CNTN5: variants seen among roughly 807,000 people sequenced by gnomAD.
CNTN5 encodes the protein contactin-5.
In CNTN5, 77 loss-of-function variants were observed where a neutral mutation model predicts 129.1. The observed-to-expected ratio is 0.60, with a 90% CI of 0.50 to 0.72. The LOEUF is 0.72. Among genes scored for constraint, CNTN5 ranks in the 30% least tolerant of loss-of-function variants. The probability of loss-of-function intolerance (pLI) is 0.00; values close to 1 mark genes in which losing one functional copy is unlikely to be tolerated. For missense variants in CNTN5, 1,478 were observed against 1,328.8 expected, an observed-to-expected ratio of 1.11 and a Z score of -1.75; for synonymous variants, 509 against 465.6, an observed-to-expected ratio of 1.09 and a Z score of -1.20.
chr11:100,337,834 A>G (rs560447802), intron 21 of CNTN5, among the ~76,000 whole-genome samples: 1 of 152,246 alleles, frequency 6.6e-6, no homozygotes, highest in Non-Finnish European at 1.5e-5. Context: ...ATACAATCCC[A>G]GGTGGAATTG....
intron 9 of CNTN5, among the ~76,000 whole-genome samples, chr11:100,048,087 C>T (rs918689890): frequency 6.6e-6 from 1 of 151,978 alleles, no homozygotes; most frequent in African/African-American, 2.4e-5. Context: ...GTCGAGATCG[C>T]GCCACTGTAC....
chr11:99,896,221 C>T (rs1449096207), intron 6 of CNTN5, among the ~76,000 whole-genome samples: 2 of 152,136 alleles, frequency 1.3e-5, no homozygotes, highest in African/African-American at 4.8e-5. Context: ...CCCACAAGTC[C>T]CTGCCTTCAC....
At chr11:100,216,986 C>T (rs954487812) in intron 15 of CNTN5, among the ~76,000 whole-genome samples, 2 of 152,158 alleles carry the variant, frequency 1.3e-5, no homozygotes, top group Non-Finnish European at 2.9e-5. Flanking sequence ...TGCCCATGGA[C>T]AAGTTACCTA....
chr11:100,024,720 C>T (rs568708592), intron 9 of CNTN5, among the ~76,000 whole-genome samples: 1 of 152,162 alleles, frequency 6.6e-6, no homozygotes, highest in East Asian at 1.9e-4. Context: ...GCATTTTGTC[C>T]CTGCCCTAGA....
At chr11:100,031,424 A>G (rs539383876) in intron 9 of CNTN5, among the ~76,000 whole-genome samples, 2 of 152,256 alleles carry the variant, frequency 1.3e-5, no homozygotes, top group African/African-American at 4.8e-5. Context: ...ATGTTCATAC[A>G]TCTGGGAATG....
chr11:99,066,247 G>C (rs1394185107), intron 1 of CNTN5, among the ~76,000 whole-genome samples: 1 of 152,052 alleles, frequency 6.6e-6, no homozygotes, highest in African/African-American at 2.4e-5. Context: ...GGGACTACAG[G>C]TGTGTGGTAC....
chr11:100,097,969 G>GTT (rs148930179), intron 13 of CNTN5, among the ~76,000 whole-genome samples: 1 of 151,056 alleles, frequency 6.6e-6, no homozygotes, highest in African/African-American at 2.4e-5. Context: ...AAATCGGGGA[G>GTT]TTTTTTTTTA....
chr11:99,547,061 C>T (rs1010943678), intron 2 of CNTN5, among the ~76,000 whole-genome samples: 20 of 142,160 alleles, frequency 1.4e-4, no homozygotes, highest in Middle Eastern at 3.6e-3. Context: ...TGGAGTGCAA[C>T]GGCACGATCT....
chr11:99,180,887 A>G (rs1467587231), intron 1 of CNTN5, among the ~76,000 whole-genome samples: 1 of 152,244 alleles, frequency 6.6e-6, no homozygotes, highest in Non-Finnish European at 1.5e-5. Context: ...TTCAATATGC[A>G]GTAAATCACA....
chr11:99,435,029 G>A (rs1943546746), intron 2 of CNTN5, among the ~76,000 whole-genome samples: 1 of 152,126 alleles, frequency 6.6e-6, no homozygotes, highest in Non-Finnish European at 1.5e-5. Flanking sequence ...ACTTGAGGAT[G>A]ATGTGACTTA....
At chr11:99,322,061 G>T (rs186905868) in intron 1 of CNTN5, among the ~76,000 whole-genome samples, 17 of 152,150 alleles carry the variant, frequency 1.1e-4, no homozygotes, top group South Asian at 2.1e-4. Flanking sequence ...AGATCTCCTT[G>T]TCCCCAGTTG....
At chr11:99,047,381 CAA>C (rs539810763) in intron 1 of CNTN5, among the ~76,000 whole-genome samples, 4 of 79,206 alleles carry the variant, frequency 5.1e-5, no homozygotes, top group Non-Finnish European at 8.7e-5. Context: ...TGAATTTTGG[CAA>C]AAAAAAAAAA....
intron 21 of CNTN5, 34 bp downstream of exon 21, chr11:100,308,502 G>T: frequency 3.2e-6 from 5 of 1,583,706 alleles, no homozygotes; most frequent in Non-Finnish European, 4.3e-6. Flanking sequence ...AAGCCTTATT[G>T]TTTCTTCTGA....
At chr11:99,177,932 C>T (rs1338447752) in intron 1 of CNTN5, among the ~76,000 whole-genome samples, 1 of 152,232 alleles carries the variant, frequency 6.6e-6, no homozygotes, top group Non-Finnish European at 1.5e-5. Flanking sequence ...AAAGCAGCAG[C>T]AGCAGTCAAC....
chr11:99,626,198 G>A (rs894829163), intron 3 of CNTN5, among the ~76,000 whole-genome samples: 1 of 151,980 alleles, frequency 6.6e-6, no homozygotes, highest in Non-Finnish European at 1.5e-5. Context: ...CTCTATGGAT[G>A]GGGATTAATT....
chr11:99,712,466 G>C (rs1955032896), intron 3 of CNTN5, among the ~76,000 whole-genome samples: 1 of 152,116 alleles, frequency 6.6e-6, no homozygotes, highest in Non-Finnish European at 1.5e-5. Flanking sequence ...TTGCTGTGCA[G>C]TAGCTCTTTA....
chr11:100,050,324 A>G (rs1433651138), intron 9 of CNTN5, among the ~76,000 whole-genome samples: 1 of 152,196 alleles, frequency 6.6e-6, no homozygotes, highest in Non-Finnish European at 1.5e-5. Context: ...TGTCCTTTGT[A>G]GGGACATGGA....
chr11:100,099,329 A>C (rs888161493), intron 13 of CNTN5, among the ~76,000 whole-genome samples: 2 of 152,000 alleles, frequency 1.3e-5, no homozygotes, highest in Non-Finnish European at 2.9e-5. Context: ...TGGACACCCT[A>C]GGGAAAGGGC....
At chr11:100,036,283 T>C (rs1321171497) in intron 9 of CNTN5, among the ~76,000 whole-genome samples, 2 of 152,024 alleles carry the variant, frequency 1.3e-5, no homozygotes, top group South Asian at 2.1e-4. Flanking sequence ...GCTGTAGATA[T>C]GCGGCATTAT....
Sources: allele counts gnomAD v4.1 joint callset (sites outside exome capture counted in the v4.1 genomes callset), GRCh38; gene constraint gnomAD v4.1.1; transcripts MANE v1.5; gene names NCBI Gene and HGNC (gene_info 2026-07-23, HGNC 2026-07-21).